The following CNTN3 variants were observed in gnomAD, a reference collection of about 807,000 sequenced individuals.
CNTN3 encodes contactin 3, also known as contactin-3.
A neutral mutation model predicts 119.1 loss-of-function variants in CNTN3; 60 were observed. That is an observed-to-expected ratio of 0.50 (90% CI 0.41 to 0.62). The LOEUF (loss-of-function observed/expected upper bound fraction) is 0.62. CNTN3 is among the 20% of genes least tolerant of loss of function. CNTN3 has a pLI of 0.00. For missense variants in CNTN3, 1,101 were observed against 1,242.4 expected, an observed-to-expected ratio of 0.89 and a Z score of 1.71; for synonymous variants, 450 against 438.7, an observed-to-expected ratio of 1.03 and a Z score of -0.32.
At chr3:74,399,402 A>T (rs1705134538) in intron 5 of CNTN3, among the ~76,000 whole-genome samples, 2 of 152,048 alleles carry the variant, frequency 1.3e-5, no homozygotes, top group South Asian at 4.1e-4. Context: ...GTAACTAGTT[A>T]TCTGTTCCTG....
chr3:74,520,598 C>T (rs1032918022), intron 2 of CNTN3, among the ~76,000 whole-genome samples: 3 of 150,610 alleles, frequency 2.0e-5, no homozygotes, highest in Non-Finnish European at 3.0e-5. Flanking sequence ...TCAAATTTTC[C>T]AAAATTAAAA....
chr3:74,524,096 G>A (rs140413516), intron 1 of CNTN3, among the ~76,000 whole-genome samples: 1 of 151,926 alleles, frequency 6.6e-6, no homozygotes, highest in Non-Finnish European at 1.5e-5. Flanking sequence ...TTTCAGGAAA[G>A]TGTATGAGAA....
At chr3:74,364,691 G>T in intron 9 of CNTN3, 95 bp from the exon 10 acceptor site, 1 of 1,097,060 alleles carries the variant, frequency 9.1e-7, no homozygotes, top group Non-Finnish European at 1.3e-6. Context: ...GAAACTTTCT[G>T]CATTTTTCTG....
intron 2 of CNTN3, among the ~76,000 whole-genome samples, chr3:74,517,913 A>G (rs893510016): frequency 2.0e-5 from 3 of 152,004 alleles, no homozygotes; most frequent in Non-Finnish European, 2.9e-5. Context: ...CTTTCAACAG[A>G]CTTCCTACTC....
At chr3:74,469,516 A>G (rs1419490357) in intron 4 of CNTN3, among the ~76,000 whole-genome samples, 1 of 152,186 alleles carries the variant, frequency 6.6e-6, no homozygotes. Flanking sequence ...AAAGACAAAT[A>G]ACCCAATTTA....
chr3:74,407,701 T>G (rs1377566019), intron 5 of CNTN3, among the ~76,000 whole-genome samples: 1 of 152,016 alleles, frequency 6.6e-6, no homozygotes, highest in African/African-American at 2.4e-5. Flanking sequence ...CAGTGACAGA[T>G]GCATTGAACA....
At position 74,285,493 on chromosome 3, in the gene CNTN3, T is replaced by A; in HGVS notation, c.2518-2A>T. 1 of 1,607,038 alleles carries A rather than the reference T, an allele frequency of 6.2e-7. No homozygotes were observed. The highest frequency in any genetic ancestry group is 8.5e-7 in the Non-Finnish European group (1 of 1,177,096). ...TCCACCCCCATTCCAGTACCGCACCTGGTGGGCGGAAGACACCAAACATGT... is the reference window on the plus strand; with the variant it reads ...TCCACCCCCATTCCAGTACCGCACCAGGTGGGCGGAAGACACCAAACATGT... On this transcript the variant is annotated splice_acceptor_variant, in intron 19 of 22. Coordinates refer to ENST00000263665, the MANE Select transcript of CNTN3 (RefSeq NM_020872.3). LOFTEE classifies it high-confidence loss of function.
chr3:74,398,262 C>T (rs947856189), intron 5 of CNTN3, among the ~76,000 whole-genome samples: 2 of 152,144 alleles, frequency 1.3e-5, no homozygotes, highest in South Asian at 2.1e-4. Flanking sequence ...ACTTCACTGT[C>T]GTCTTATTTT....
chr3:74,416,350 T>C (rs1701519848), intron 5 of CNTN3, among the ~76,000 whole-genome samples: 1 of 152,192 alleles, frequency 6.6e-6, no homozygotes, highest in African/African-American at 2.4e-5. Context: ...CTCACAATGA[T>C]CCTATAAGGA....
intron 1 of CNTN3, among the ~76,000 whole-genome samples, chr3:74,550,779 C>T (rs1703978775): frequency 1.3e-5 from 2 of 152,140 alleles, no homozygotes; most frequent in Non-Finnish European, 2.9e-5. Flanking sequence ...TAGGCTCAAG[C>T]AATCTTTCCA....
At position 74,365,734 on chromosome 3, in the gene CNTN3, A is replaced by G. The variant is rs370235420; in HGVS notation, c.947-32T>C. The G allele has an allele frequency of 1.7e-4, 274 of 1,589,172 alleles. 1 individual carries two copies. The highest frequency in any genetic ancestry group is 3.4e-4 in the Middle Eastern group (2 of 5,888). The stretch of plus-strand genomic sequence containing the variant: ...TGAAAGAAAAGGAAAAAGAAAAGAA[A>G]TTTAAACCACCCAGCAAATAAAATG... On this transcript the variant is annotated intron_variant, in intron 8 of 22. Coordinates refer to ENST00000263665, the MANE Select transcript of CNTN3 (RefSeq NM_020872.3).
intron 1 of CNTN3, among the ~76,000 whole-genome samples, chr3:74,613,522 C>G (rs996010071): frequency 2.0e-5 from 3 of 152,024 alleles, no homozygotes; most frequent in African/African-American, 4.8e-5. Flanking sequence ...TAGCGGACAC[C>G]GTTTGTTATT....
chr3:74,413,427 T>C (rs781603593), intron 5 of CNTN3, among the ~76,000 whole-genome samples: 4 of 152,188 alleles, frequency 2.6e-5, no homozygotes, highest in Non-Finnish European at 4.4e-5. Context: ...TGTGTCTGTG[T>C]CTAATGAATT....
chr3:74,311,971 C>G (rs569663010), intron 13 of CNTN3, among the ~76,000 whole-genome samples: 29 of 129,734 alleles, frequency 2.2e-4, no homozygotes, highest in Non-Finnish European at 3.8e-4. Context: ...GTGGACAATT[C>G]CGTGAGTTAA....
chr3:74,496,413 T>C (rs1365927452), intron 3 of CNTN3, among the ~76,000 whole-genome samples: 2 of 152,070 alleles, frequency 1.3e-5, no homozygotes, highest in Non-Finnish European at 1.5e-5. Flanking sequence ...AATGATAGGC[T>C]TAGGGTTGAA....
rs149905955 is a variant in CNTN3, at chr3:74,282,212, TTAAG to T, written c.2704+3089_2704+3092del. 2.7e-3 allele frequency among the ~76,000 whole-genome samples: 411 copies of T among 152,272 alleles called. 1 individual carries two copies. The highest frequency in any genetic ancestry group is 9.3e-3 in the African/African-American group (385 of 41,562). On this transcript the variant is annotated intron_variant, in intron 20 of 22. Coordinates refer to ENST00000263665, the MANE Select transcript of CNTN3 (RefSeq NM_020872.3). ...AACACAAGTATTTGGATATCAAAAA[TTAAG>T]TGTTTAATGGAAGCTACAGTACTTG...
At chr3:74,587,439 A>C (rs763985525) in intron 1 of CNTN3, among the ~76,000 whole-genome samples, 1 of 152,102 alleles carries the variant, frequency 6.6e-6, no homozygotes, top group Non-Finnish European at 1.5e-5. Context: ...CGTCATTACA[A>C]GACTGGAAGC....
At chr3:74,319,578 G>A (rs1032022379) in intron 13 of CNTN3, among the ~76,000 whole-genome samples, 10 of 151,964 alleles carry the variant, frequency 6.6e-5, no homozygotes, top group Non-Finnish European at 1.5e-5. Context: ...AGAGAACCTA[G>A]GCAATACCAT....
Position 74,499,698 on chromosome 3 carries a change from A to G in CNTN3, c.143T>C (p.Leu48Ser). ...PVGSEDKKIT[L>S]HCEARGNPSP... ...TGGATTGCCTCTTGCTTCACAATGC[A>G]AAGTTATTTTTTTATCTTCTGAACC... Residue 48 changes from leucine to serine, a missense_variant, in exon 3 of 23, where the codon TTG (leucine) becomes TCG (serine). Leu to Ser is a moderately radical substitution (Grantham distance 145, BLOSUM62 -2). Coordinates refer to ENST00000263665, the MANE Select transcript of CNTN3 (RefSeq NM_020872.3). The G allele has an allele frequency of 1.2e-6, 2 of 1,611,592 alleles. No individual in the cohort carries two copies. The highest frequency in any genetic ancestry group is 2.2e-5 in the East Asian group (1 of 44,722).
Sources: allele counts gnomAD v4.1 joint callset (sites outside exome capture counted in the v4.1 genomes callset), GRCh38; gene constraint gnomAD v4.1.1; transcripts MANE v1.5; gene names NCBI Gene and HGNC (gene_info 2026-07-23, HGNC 2026-07-21).